The following LONP1 variants were observed in gnomAD, a reference collection of about 807,000 sequenced individuals.
LONP1 encodes the protein lon protease homolog, mitochondrial.
A neutral mutation model predicts 98.5 loss-of-function variants in LONP1; 31 were observed. That is an observed-to-expected ratio of 0.31 (90% confidence interval 0.24 to 0.42). The LOEUF is 0.42. Among genes scored for constraint, LONP1 ranks in the 20% least tolerant of loss-of-function variants. LONP1 has a pLI of 1.00. For missense variants in LONP1, 1,336 were observed against 1,350.6 expected (o/e 0.99, Z 0.17); for synonymous variants, 781 against 594.7 (o/e 1.31, Z -4.56).
intron 6 of LONP1, among the ~76,000 whole-genome samples, chr19:5,707,385 A>T (rs559168458): frequency 1.3e-5 from 2 of 152,328 alleles, no homozygotes; most frequent in South Asian, 4.1e-4. Context: ...TGCTGCTCAC[A>T]ACAGCAAAAG....
intron 4 of LONP1, among the ~76,000 whole-genome samples, chr19:5,709,140 G>A (rs899006021): frequency 6.6e-6 from 1 of 151,494 alleles, no homozygotes. Flanking sequence ...TCATTTTCCG[G>A]AGTAGCTGGG....
chr19:5,695,466 G>A (rs571711229), intron 13 of LONP1, among the ~76,000 whole-genome samples: 21 of 152,278 alleles, frequency 1.4e-4, no homozygotes, highest in South Asian at 4.1e-4. Context: ...CTACAGGCCC[G>A]TCCCTTGGAG....
chr19:5,697,278 G>A (rs1332172849), intron 10 of LONP1, among the ~76,000 whole-genome samples: 1 of 152,022 alleles, frequency 6.6e-6, no homozygotes, highest in African/African-American at 2.4e-5. Context: ...GGCAGGGATG[G>A]AGGGACTGAG....
At position 5,708,651 on chromosome 19, in the gene LONP1, C is replaced by G. The variant is rs553917990; in HGVS notation, c.871-248G>C. On this transcript the variant is annotated intron_variant, in intron 4 of 17. Transcript: ENST00000360614. ...AACCCTGTCTCCTTACCCCTCAGAG[C>G]CTTGTCCTTAGGATAAGCTATCTCA... 5 of 482,116 alleles carry G rather than the reference C, an allele frequency of 1.0e-5. No homozygotes were observed. The South Asian group carries it at 1.5e-4, about 14-fold the overall frequency. 29.9% of individuals were successfully genotyped at this position (482,116 alleles called of 1,614,324 possible). A position where few individuals can be genotyped will look rare whatever the true frequency, so the allele number is the denominator to read the frequency against.
At chr19:5,695,932 C>A in intron 13 of LONP1, 122 bp downstream of exon 13, 1 of 800,766 alleles carries the variant, frequency 1.2e-6, no homozygotes, top group South Asian at 1.8e-5. Flanking sequence ...ATCTGCTCCT[C>A]GGCCGCAGGT....
upstream of LONP1, chr19:5,720,245 C>A: frequency 2.2e-6 from 3 of 1,350,550 alleles, no homozygotes; most frequent in Non-Finnish European, 2.9e-6. Context: ...TCGAAACAGC[C>A]GCTTCAGGGA....
intron 9 of LONP1, 130 bp downstream of exon 9, chr19:5,700,659 C>G (rs2055023669): frequency 3.1e-6 from 4 of 1,297,410 alleles, no homozygotes; most frequent in Admixed American, 2.3e-5. Flanking sequence ...CGCCGGGATC[C>G]CCCCGACCAG....
chr19:5,692,390 A>C, intron 17 of LONP1, 182 bp from the exon 18 acceptor site: 2 of 554,024 alleles, frequency 3.6e-6, no homozygotes, highest in African/African-American at 1.9e-5. Context: ...TCAAGGCAAA[A>C]CCACTGGCCT....
intron 8 of LONP1, 90 bp downstream of exon 8, chr19:5,705,682 G>A (rs549092564): frequency 1.4e-5 from 16 of 1,170,706 alleles, no homozygotes; most frequent in South Asian, 7.9e-5. Flanking sequence ...AAGGTGCCAC[G>A]GGGCTCCCCG....
chr19:5,719,587 C>A, intron 1 of LONP1, 117 bp downstream of exon 1: 2 of 1,543,984 alleles, frequency 1.3e-6, no homozygotes, highest in Non-Finnish European at 1.7e-6. Flanking sequence ...CTGCACCCTT[C>A]GAGAAACTTC....
At position 5,719,800 on chromosome 19, in the gene LONP1, C is replaced by A; in HGVS notation, c.333G>T (p.Ala111=). Residue 111 remains alanine (A), a synonymous_variant, in exon 1 of 18, where the codon GCG becomes GCT. Coordinates refer to ENST00000360614, the MANE Select transcript of LONP1 (RefSeq NM_004793.4). ...AGAGEGPVIT[A]LTPMTIPDVF... ...CATCGGGGATCGTCATGGGCGTGAG[C>A]GCCGTTATGACCGGGCCTTCCCCGG... The A allele has an allele frequency of 6.2e-7, 1 of 1,612,752 alleles. No individual in the cohort carries two copies. The highest frequency in any genetic ancestry group is 8.5e-7 in the Non-Finnish European group (1 of 1,179,896).
Position 5,711,887 on chromosome 19 carries a change from C to A in LONP1, c.754G>T (p.Ala252Ser), listed in dbSNP as rs538226936. ...GKKEAEDELS[A>S]RHPAELAMEP... is the part of the protein sequence containing the mutation. ...ATCGCCAGCTCCGCCGGGTGCCTGGCGCTCAGCTCGTCCTCCGCCTCCTTC... is the reference window on the plus strand; with the variant it reads ...ATCGCCAGCTCCGCCGGGTGCCTGGAGCTCAGCTCGTCCTCCGCCTCCTTC... The change falls in exon 4 of 18, where the codon GCC (alanine) becomes TCC (serine). Residue 252 changes from alanine to serine, a missense_variant. Ala to Ser is a moderately conservative substitution (Grantham distance 99). This residue lies in a region of LONP1 where 457 missense variants were observed against 403.1 expected (regional missense o/e 1.13). Coordinates refer to ENST00000360614, the MANE Select transcript of LONP1 (RefSeq NM_004793.4). 1.2e-6 allele frequency: 2 copies of A among 1,613,010 alleles called. No homozygotes were observed. The highest frequency in any genetic ancestry group is 1.1e-5 in the South Asian group (1 of 91,084).
intron 5 of LONP1, chr19:5,708,104 C>T (rs2055177035): frequency 6.6e-6 from 4 of 608,992 alleles, no homozygotes; most frequent in South Asian, 5.9e-5. Flanking sequence ...CCAGCCAATG[C>T]CACCAACAGC....
chr19:5,707,284 GCCCT>G, intron 6 of LONP1, 141 bp from the exon 7 acceptor site: 1 of 681,238 alleles, frequency 1.5e-6, no homozygotes. Flanking sequence ...AGGCATGTGT[GCCCT>G]CTGCCCCAAC....
In LONP1 at chr19:5,694,535, G is replaced by A; in HGVS notation, c.2172C>T (p.Ala724=). 6.2e-7 allele frequency: 1 copy of A among 1,612,608 alleles called. No homozygotes were observed. Residue 724 remains alanine, a synonymous_variant, in exon 15 of 18, where the codon GCC becomes GCT. Coordinates refer to ENST00000360614, the MANE Select transcript of LONP1 (RefSeq NM_004793.4). ...CGGCCTCGCCGCTGACAATCTTGTA[G>A]GCCGATTTCCGTAACACCTGGGCGG... ...KQVEKVLRKS[A]YKIVSGEAES... is the part of the protein sequence containing the mutation.
At position 5,696,728 on chromosome 19, in the gene LONP1, T is replaced by G; in HGVS notation, c.1715A>C (p.Lys572Thr). 6.2e-7 allele frequency: 1 copy of G among 1,613,530 alleles called. No homozygotes were observed. The highest frequency in any genetic ancestry group is 8.5e-7 in the Non-Finnish European group (1 of 1,179,928). The stretch of plus-strand genomic sequence containing the variant: ...GGTCTTCTTCAAACACTGGATGATC[T>G]TCCCGGGCATGGCGCCCACGTAGGT... ...RRTYVGAMPGKIIQCLKKTKT... is the reference protein window; with the variant it reads ...RRTYVGAMPGTIIQCLKKTKT... The change falls in exon 11 of 18, where the codon AAG (lysine) becomes ACG (threonine). Residue 572 changes from lysine (K) to threonine (T), a missense_variant. Physicochemically the swap from Lys to Thr is moderately conservative, Grantham distance 78. Transcript: ENST00000360614.
chr19:5,712,111 C>A, intron 3 of LONP1, 109 bp from the exon 4 acceptor site: 1 of 862,044 alleles, frequency 1.2e-6, no homozygotes, highest in Non-Finnish European at 1.7e-6. Flanking sequence ...TGAGCCCAGA[C>A]CTCTGGAGCC....
intron 8 of LONP1, among the ~76,000 whole-genome samples, chr19:5,702,056 A>C (rs1158210701): frequency 2.7e-4 from 37 of 135,428 alleles, no homozygotes; most frequent in Admixed American, 1.5e-4. Context: ...CCCAGCAGCC[A>C]CCCCGTCCGG....
rs575991610 is a variant in LONP1 at position 5,699,202 on chromosome 19, A to G, written c.1510T>C (p.Phe504Leu). Residue 504 changes from phenylalanine to leucine, a missense_variant, in exon 10 of 18, where the codon TTC becomes CTC. Coordinates refer to ENST00000360614, the MANE Select transcript of LONP1 (RefSeq NM_004793.4). ...MEDVKKRILE[F>L]IAVSQLRGST... ...CCGCGGAGCTGGCTAACGGCAATGA[A>G]CTCCTGCAGACAGAGGCAGGTTCAG... 2 of 1,486,972 alleles carry G rather than the reference A, an allele frequency of 1.3e-6. No homozygotes were observed. The highest frequency in any genetic ancestry group is 2.7e-5 in the South Asian group (2 of 73,568). The allele number at this position is 1,486,972 out of a possible 1,614,324, so 92.1% of individuals were successfully genotyped here.
Sources: allele counts gnomAD v4.1 joint callset (sites outside exome capture counted in the v4.1 genomes callset), GRCh38; gene constraint gnomAD v4.1.1; regional missense constraint gnomAD v4.1.1; transcripts MANE v1.5; gene names NCBI Gene and HGNC (gene_info 2026-07-23, HGNC 2026-07-21).